The following FMN2 variants were observed in gnomAD, a reference collection of about 807,000 sequenced individuals.
FMN2 encodes formin-2.
Under a neutral mutation model 142.3 loss-of-function variants are expected in FMN2, and 51 were observed. That is an observed-to-expected ratio of 0.36 (90% CI 0.29 to 0.45). FMN2 has a LOEUF of 0.45. Ranked by LOEUF, FMN2 falls within the 20% of genes least tolerant of loss-of-function variation. FMN2 has a pLI of 1.00. For missense variants in FMN2, 1,936 were observed against 2,122.8 expected (o/e 0.91, Z 1.73); for synonymous variants, 882 against 869.8 (o/e 1.01, Z -0.25).
In FMN2 at chr1:240,447,358, A is replaced by G. The variant is rs182140029; in HGVS notation, c.5060+9148A>G. ...TATAGGACCTACAAAAAATAAGATA[A>G]TATTCAGGTATCTTGGACAGAGAAT... On this transcript the variant is annotated intron_variant, in intron 16 of 17. Transcript: ENST00000319653. Among the ~76,000 whole-genome samples, 10 of 152,324 alleles carry G rather than the reference A, an allele frequency of 6.6e-5. No individual in the cohort carries two copies. The East Asian group carries it at 1.9e-3, about 29-fold the overall frequency.
intron 3 of FMN2, among the ~76,000 whole-genome samples, chr1:240,184,990 T>C (rs1277835504): frequency 4.9e-4 from 72 of 147,886 alleles, no homozygotes; most frequent in African/African-American, 1.7e-3. Context: ...CTTCTCTTTC[T>C]CCCTCCTATA....
At chr1:240,427,508 A>C in intron 15 of FMN2, among the ~76,000 whole-genome samples, 2 of 152,170 alleles carry the variant, frequency 1.3e-5, no homozygotes, top group East Asian at 3.9e-4. Flanking sequence ...CCTGGCCACA[A>C]CTGATTTTAT....
intron 6 of FMN2, among the ~76,000 whole-genome samples, chr1:240,218,475 T>C (rs1666989294): frequency 6.6e-6 from 1 of 151,930 alleles, no homozygotes; most frequent in African/African-American, 2.4e-5. Context: ...CAAGGTGGGC[T>C]GTTGTGGGCT....
chr1:240,139,743 G>GTC (rs1299025830), intron 2 of FMN2, among the ~76,000 whole-genome samples: 1 of 152,190 alleles, frequency 6.6e-6, no homozygotes, highest in Non-Finnish European at 1.5e-5. Context: ...GAGACGAGGG[G>GTC]TGTAGGGTGT....
At chr1:240,102,665 A>G (rs1661454871) in intron 1 of FMN2, among the ~76,000 whole-genome samples, 1 of 152,052 alleles carries the variant, frequency 6.6e-6, no homozygotes, top group East Asian at 1.9e-4. Context: ...GTATCCTTGC[A>G]GTTTCTTTCA....
At chr1:240,380,533 A>G (rs897438426) in intron 14 of FMN2, among the ~76,000 whole-genome samples, 1 of 152,168 alleles carries the variant, frequency 6.6e-6, no homozygotes, top group African/African-American at 2.4e-5. Context: ...TAGTGGGAAA[A>G]TATTTCCACT....
chr1:240,235,316 G>T (rs896109952), intron 6 of FMN2, among the ~76,000 whole-genome samples: 2 of 152,034 alleles, frequency 1.3e-5, no homozygotes, highest in Non-Finnish European at 2.9e-5. Flanking sequence ...ATCAGTCTAT[G>T]GTGAAGTTAA....
In FMN2 at chr1:240,207,619, C is replaced by T. The variant is rs752798515; in HGVS notation, c.2807C>T (p.Pro936Leu). Residue 936 changes from proline (P) to leucine (L), a missense_variant, in exon 5 of 18, where the codon CCT becomes CTT. By Grantham distance (98) the Pro-to-Leu change is moderately conservative (BLOSUM62 -3). Around this residue, in one of 8 missense-constraint regions of FMN2, gnomAD observed 478 missense variants for 462.8 expected, o/e 1.03. Transcript: ENST00000319653. ...LPGAGILPLP[P>L]LPGAGIPPPP... is the part of the protein sequence containing the mutation. ...GGAGCAGGCATACTCCCTCTGCCCC[C>T]TCTACCCGGAGCGGGAATACCTCCT... The T allele has an allele frequency of 3.4e-6, 4 of 1,176,140 alleles. No homozygotes were observed. Among genetic ancestry groups the T allele is most frequent in the South Asian group, 3.4e-5 (2 of 58,946 alleles). The allele number at this position is 1,176,140 out of a possible 1,614,324, so 72.9% of individuals were successfully genotyped here. A position where few individuals can be genotyped will look rare whatever the true frequency, so the allele number is the denominator to read the frequency against.
chr1:240,367,590 A>C (rs1039050080), intron 14 of FMN2, among the ~76,000 whole-genome samples: 2 of 151,800 alleles, frequency 1.3e-5, no homozygotes, highest in Admixed American at 1.3e-4. Context: ...AACACGGTGA[A>C]ACCCCATCTC....
rs1671486686 is a variant in FMN2, at chr1:240,334,248, C to T, written c.4765+19C>T. Reference sequence around the variant, plus strand: ...TTGAAAGGTAACTTAAAATCCTGAACTCATGTTTTCTGTTTATGCTTTTTT... The same window carrying T: ...TTGAAAGGTAACTTAAAATCCTGAATTCATGTTTTCTGTTTATGCTTTTTT... On this transcript the variant is annotated intron_variant, in intron 13 of 17. Transcript: ENST00000319653. The T allele has an allele frequency of 6.4e-7, 1 of 1,569,434 alleles. No homozygotes were observed. Among genetic ancestry groups the T allele is most frequent in the Non-Finnish European group, 8.6e-7 (1 of 1,165,910 alleles).
intron 7 of FMN2, among the ~76,000 whole-genome samples, chr1:240,287,178 A>G (rs975760061): frequency 6.6e-6 from 1 of 152,174 alleles, no homozygotes; most frequent in African/African-American, 2.4e-5. Context: ...TCGAAATGAC[A>G]TGCTCCCTGC....
At chr1:240,381,619 G>A (rs937171048) in intron 14 of FMN2, among the ~76,000 whole-genome samples, 97 of 152,170 alleles carry the variant, frequency 6.4e-4, no homozygotes, top group African/African-American at 2.0e-3. Context: ...TAGTAGATAC[G>A]GGACTTCTCC....
intron 2 of FMN2, among the ~76,000 whole-genome samples, chr1:240,148,359 GAC>G (rs1475463141): frequency 6.5e-5 from 6 of 92,496 alleles, no homozygotes; most frequent in Non-Finnish European, 1.2e-4. Flanking sequence ...AAGACAGAGA[GAC>G]AGAGACAGAG....
chr1:240,436,381 T>C (rs1224494559), intron 15 of FMN2, among the ~76,000 whole-genome samples: 1 of 152,176 alleles, frequency 6.6e-6, no homozygotes, highest in Non-Finnish European at 1.5e-5. Flanking sequence ...GAGACAGCCA[T>C]AGGCAAGTTT....
At chr1:240,209,573 A>C (rs963920208) in intron 5 of FMN2, among the ~76,000 whole-genome samples, 17 of 150,584 alleles carry the variant, frequency 1.1e-4, no homozygotes, top group Non-Finnish European at 1.8e-4. Flanking sequence ...ATTCTTAGGT[A>C]AACTGACTCT....
intron 4 of FMN2, among the ~76,000 whole-genome samples, chr1:240,198,335 T>G (rs142466612): frequency 5.3e-5 from 8 of 152,314 alleles, no homozygotes; most frequent in Non-Finnish European, 7.3e-5. Context: ...ATCATTACTT[T>G]AACCTTCCCA....
At chr1:240,258,122 AGTTTCT>A in intron 7 of FMN2, 90 bp downstream of exon 7, 1 of 1,008,300 alleles carries the variant, frequency 9.9e-7, no homozygotes, top group Non-Finnish European at 1.5e-6. Flanking sequence ...TCAAACTTAG[AGTTTCT>A]GTGTAAACCG....
intron 14 of FMN2, among the ~76,000 whole-genome samples, chr1:240,368,810 A>C (rs958169639): frequency 3.9e-5 from 6 of 152,122 alleles, no homozygotes; most frequent in Admixed American, 2.6e-4. Context: ...ATTAACACAA[A>C]TTGATTGGAG....
intron 14 of FMN2, 43 bp downstream of exon 14, chr1:240,355,951 C>CAAAAAAAAAAAAAAAAAAA (rs58002724): frequency 1.7e-4 from 42 of 252,942 alleles, no homozygotes; most frequent in African/African-American, 3.9e-4. Flanking sequence ...CCCCTTTCAG[C>CAAAAAAAAAAAAAAAAAAA]AAAAAAAAAA....
Sources: allele counts gnomAD v4.1 joint callset (sites outside exome capture counted in the v4.1 genomes callset), GRCh38; gene constraint gnomAD v4.1.1; regional missense constraint gnomAD v4.1.1; transcripts MANE v1.5; gene names NCBI Gene and HGNC (gene_info 2026-07-23, HGNC 2026-07-21).